Variants in PLEKHG1 observed in about 807,000 individuals in gnomAD.
PLEKHG1 encodes pleckstrin homology domain-containing family G member 1.
A neutral mutation model predicts 100.8 loss-of-function variants in PLEKHG1; 44 were observed. The ratio of observed to expected loss-of-function variants is 0.44; its 90% confidence interval spans 0.34 to 0.56. PLEKHG1 has a LOEUF of 0.56. Ranked by LOEUF, PLEKHG1 falls within the 20% of genes least tolerant of loss-of-function variation. PLEKHG1 has a pLI of 0.01. For missense variants in PLEKHG1, 1,545 were observed against 1,720.9 expected (o/e 0.90, Z 1.81); for synonymous variants, 640 against 662.5 (o/e 0.97, Z 0.52).
intron 2 of PLEKHG1, among the ~76,000 whole-genome samples, chr6:150,642,870 T>C (rs1042901718): frequency 3.9e-5 from 6 of 152,336 alleles, no homozygotes; most frequent in South Asian, 2.1e-4. Context: ...TGGTTCAGTA[T>C]TTTTCTATGT....
chr6:150,614,419 C>T (rs1776976028), intron 1 of PLEKHG1, among the ~76,000 whole-genome samples: 1 of 152,208 alleles, frequency 6.6e-6, no homozygotes, highest in Non-Finnish European at 1.5e-5. Flanking sequence ...ATTATAACTA[C>T]TGTACAGGAT....
intron 3 of PLEKHG1, chr6:150,686,928 C>G (rs964011330): frequency 2.6e-5 from 4 of 152,632 alleles, no homozygotes; most frequent in African/African-American, 7.2e-5. Flanking sequence ...AATCGAAGCT[C>G]TCCTCAAAGG....
In PLEKHG1 at chr6:150,826,704, G is replaced by A. The variant is rs1413006375; in HGVS notation, c.1470+3028G>A. 2.0e-5 allele frequency among the ~76,000 whole-genome samples: 3 copies of A among 151,972 alleles called. No individual in the cohort carries two copies. The East Asian group carries it at 5.8e-4, about 29-fold the overall frequency. On this transcript the variant is annotated intron_variant, in intron 14 of 15. Coordinates refer to ENST00000358517, the Ensembl canonical transcript of PLEKHG1. The stretch of plus-strand genomic sequence containing the variant: ...GACAGGGTCTTGCTCTGTCACCCAG[G>A]CTGGAATGCAGTGGCACGATCTCAG...
chr6:150,665,693 CT>C (rs143485793), intron 3 of PLEKHG1, among the ~76,000 whole-genome samples: 12,614 of 145,986 alleles, frequency 0.086, 570 homozygotes, highest in Admixed American at 0.11. Context: ...AGCAGGGGGA[CT>C]TTTTTTTTTT....
At chr6:150,649,871 G>C (rs924352083) in intron 2 of PLEKHG1, among the ~76,000 whole-genome samples, 1 of 152,148 alleles carries the variant, frequency 6.6e-6, no homozygotes, top group Non-Finnish European at 1.5e-5. Flanking sequence ...AATTAGCCGG[G>C]CGTGGCGGCG....
At chr6:150,610,003 G>A (rs1232829163) in intron 1 of PLEKHG1, among the ~76,000 whole-genome samples, 1 of 152,184 alleles carries the variant, frequency 6.6e-6, no homozygotes, top group Non-Finnish European at 1.5e-5. Flanking sequence ...GCTGTGACGC[G>A]ATGCTGGGTG....
chr6:150,723,879 G>A (rs905305908), intron 1 of PLEKHG1, among the ~76,000 whole-genome samples: 1 of 152,196 alleles, frequency 6.6e-6, no homozygotes, highest in Non-Finnish European at 1.5e-5. Context: ...TCATAAAATT[G>A]TACTCAGACA....
intron 1 of PLEKHG1, among the ~76,000 whole-genome samples, chr6:150,723,867 C>A (rs370720824): frequency 1.2e-4 from 19 of 152,152 alleles, no homozygotes; most frequent in Admixed American, 7.9e-4. Flanking sequence ...GCTTGGGGAC[C>A]GTCATAAAAT....
intron 1 of PLEKHG1, among the ~76,000 whole-genome samples, chr6:150,602,533 G>A (rs1378538451): frequency 2.6e-5 from 4 of 152,070 alleles, no homozygotes; most frequent in African/African-American, 9.7e-5. Context: ...AATCATAGTT[G>A]GTGTCTCTCG....
At chr6:150,674,835 A>G (rs921049492) in intron 3 of PLEKHG1, among the ~76,000 whole-genome samples, 1 of 151,808 alleles carries the variant, frequency 6.6e-6, no homozygotes, top group African/African-American at 2.4e-5. Context: ...GGCACCTACC[A>G]CCATGCCTGG....
At position 150,687,180 on chromosome 6, in the gene PLEKHG1, C is replaced by T. The variant is rs114785260; in HGVS notation, c.-99+36394C>T. The stretch of plus-strand genomic sequence containing the variant: ...TCTATTTTCCTTTCCTAATCAAAGA[C>T]TTCAGTAGTCACGTAATACCTTCAG... On this transcript the variant is annotated intron_variant, in intron 3 of 3. Transcript: ENST00000367326. Among the ~76,000 whole-genome samples the T allele has an allele frequency of 5.9e-3, 894 of 152,288 alleles. 10 individuals are homozygous for T. The highest frequency in any genetic ancestry group is 0.02 in the African/African-American group (829 of 41,558).
At chr6:150,678,464 C>G (rs1779835619) in intron 3 of PLEKHG1, among the ~76,000 whole-genome samples, 1 of 152,132 alleles carries the variant, frequency 6.6e-6, no homozygotes, top group African/African-American at 2.4e-5. Context: ...GTGTTAACTT[C>G]AGATGCCCTA....
In PLEKHG1 at chr6:150,614,729, C is replaced by T. The variant is rs79175966; in HGVS notation, c.-204+14712C>T. Reference sequence around the variant, plus strand: ...CATTCGCTCTTTAGGGTTGACTCTGCGGCATTCTTCATTTTTGCTGTGGTC... The same window carrying T: ...CATTCGCTCTTTAGGGTTGACTCTGTGGCATTCTTCATTTTTGCTGTGGTC... On this transcript the variant is annotated intron_variant, in intron 1 of 3. Coordinates refer to the PLEKHG1 transcript ENST00000367326. Among the ~76,000 whole-genome samples the T allele has an allele frequency of 5.9e-5, 9 of 152,260 alleles. No individual in the cohort carries two copies. The South Asian group carries it at 1.5e-3, about 25-fold the overall frequency.
chr6:150,833,222 T>G (rs1174314203), intron 15 of PLEKHG1, among the ~76,000 whole-genome samples: 1 of 151,780 alleles, frequency 6.6e-6, no homozygotes, highest in African/African-American at 2.4e-5. Context: ...TTTTTGTGTG[T>G]GTGGTTTTTT....
At chr6:150,777,993 G>A (rs147266248) in intron 3 of PLEKHG1, among the ~76,000 whole-genome samples, 11 of 152,368 alleles carry the variant, frequency 7.2e-5, no homozygotes, top group Non-Finnish European at 1.3e-4. Flanking sequence ...TACTTTGCGT[G>A]TTTGCATATC....
intron 2 of PLEKHG1, among the ~76,000 whole-genome samples, chr6:150,646,961 C>T: frequency 6.6e-6 from 1 of 152,072 alleles, no homozygotes; most frequent in East Asian, 1.9e-4. Context: ...TTCTGGTAGC[C>T]CCTTATATGG....
At chr6:150,634,134 C>T (rs1040841830) in intron 1 of PLEKHG1, among the ~76,000 whole-genome samples, 2 of 151,590 alleles carry the variant, frequency 1.3e-5, no homozygotes, top group African/African-American at 4.9e-5. Context: ...ATCCCAGCTA[C>T]TCTGGAGGCT....
chr6:150,742,047 A>G (rs181653638), intron 2 of PLEKHG1, among the ~76,000 whole-genome samples: 1 of 152,306 alleles, frequency 6.6e-6, no homozygotes, highest in African/African-American at 2.4e-5. Context: ...TGGAACACAT[A>G]GTGTTTCATT....
intron 10 of PLEKHG1, among the ~76,000 whole-genome samples, chr6:150,810,379 C>A (rs769114545): frequency 2.6e-5 from 4 of 151,034 alleles, no homozygotes. Context: ...GTGCCTCAGC[C>A]ACCCGAGTAG....
Sources: gnomAD v4.1 joint callset for allele counts (sites outside exome capture counted in the v4.1 genomes callset) on GRCh38, gnomAD v4.1.1 for gene constraint, MANE v1.5 for transcripts, NCBI Gene and HGNC (gene_info 2026-07-23, HGNC 2026-07-21) for gene names.